COL25A1: variants seen among roughly 807,000 people sequenced by gnomAD.
COL25A1 encodes collagen type XXV alpha 1 chain, also known as collagen alpha-1(XXV) chain.
In COL25A1, 103 loss-of-function variants were observed where a neutral mutation model predicts 128.4. The ratio of observed to expected loss-of-function variants is 0.80; its 90% CI spans 0.68 to 0.94. The LOEUF (loss-of-function observed/expected upper bound fraction) is 0.94, where lower values mean the gene tolerates loss of function less well. Ranked by LOEUF, COL25A1 falls within the 40% of genes least tolerant of loss-of-function variation. COL25A1 has a pLI of 0.00. For synonymous variants in COL25A1, 279 were observed against 277.2 expected (o/e 1.01, Z -0.06); for missense variants, 745 against 840.0 (o/e 0.89, Z 1.40).
intron 3 of COL25A1, among the ~76,000 whole-genome samples, chr4:109,085,323 C>T (rs1764253297): frequency 6.6e-6 from 1 of 152,188 alleles, no homozygotes; most frequent in Non-Finnish European, 1.5e-5. Context: ...TGCACGTTCC[C>T]TTCAGATGAA....
At chr4:109,246,841 G>C (rs1578539412) in intron 3 of COL25A1, among the ~76,000 whole-genome samples, 1 of 152,134 alleles carries the variant, frequency 6.6e-6, no homozygotes, top group Admixed American at 6.6e-5. Flanking sequence ...AACCAAACAT[G>C]AGTCCTATCT....
At chr4:109,144,191 C>T in intron 3 of COL25A1, among the ~76,000 whole-genome samples, 1 of 152,172 alleles carries the variant, frequency 6.6e-6, no homozygotes, top group East Asian at 1.9e-4. Context: ...GAGGTCCATT[C>T]CCAACCCTGT....
chr4:109,046,480 A>G (rs538661143), intron 5 of COL25A1, among the ~76,000 whole-genome samples: 2 of 152,338 alleles, frequency 1.3e-5, no homozygotes, highest in South Asian at 4.1e-4. Flanking sequence ...CAAAAAAAGA[A>G]GCCTTGAACA....
At chr4:108,819,882 T>A in intron 35 of COL25A1, 1 of 1,230,650 alleles carries the variant, frequency 8.1e-7, no homozygotes, top group Non-Finnish European at 1.0e-6. Context: ...CTTTTTGCCT[T>A]TCTTTCCCTT....
In COL25A1 at chr4:109,241,846, C is replaced by T. The variant is rs538985140; in HGVS notation, c.367+58737G>A. 1.3e-3 allele frequency among the ~76,000 whole-genome samples: 195 copies of T among 152,178 alleles called. 1 individual carries two copies. The highest frequency in any genetic ancestry group is 4.4e-3 in the African/African-American group (182 of 41,554). ...CCCAATCTCACTCCCAGACAACTAC[C>T]TCCATGACTTTAATTCATTTGTACA... On this transcript the variant is annotated intron_variant, in intron 3 of 37. Coordinates refer to ENST00000399132, the MANE Select transcript of COL25A1 (RefSeq NM_198721.4).
At chr4:109,011,727 C>T (rs1631833) in intron 5 of COL25A1, among the ~76,000 whole-genome samples, 77,686 of 152,076 alleles carry the variant, frequency 0.51, 22,593 homozygotes, top group African/African-American at 0.78. Flanking sequence ...TACCAGGTCA[C>T]TCTGCCTTTC....
chr4:109,059,988 T>G (rs1484625443), intron 3 of COL25A1, among the ~76,000 whole-genome samples: 6 of 152,212 alleles, frequency 3.9e-5, no homozygotes. Context: ...GGACCTATGT[T>G]TGAACCTGTC....
chr4:108,976,557 T>C (rs1160923467), intron 6 of COL25A1, among the ~76,000 whole-genome samples: 3 of 152,050 alleles, frequency 2.0e-5, no homozygotes, highest in Non-Finnish European at 4.4e-5. Flanking sequence ...TCAGCCCACC[T>C]GAGGAGCTGG....
Position 109,301,791 on chromosome 4 carries a change from G to C in COL25A1, c.229C>G (p.Leu77Val). Residue 77 changes from leucine (L) to valine (V), a missense_variant, in exon 2 of 38, where the codon CTG (leucine) becomes GTG (valine). Coordinates refer to ENST00000399132, the MANE Select transcript of COL25A1 (RefSeq NM_198721.4). ...AGGTGATCCAGGGTATCAGGCAGCA[G>C]ATGAATGGAAGGGGCCCCTTTGGCG... Reference protein sequence around the residue: ...ESAKGAPSIHLLPDTLDHLKT... With the variant: ...ESAKGAPSIHVLPDTLDHLKT... The C allele has an allele frequency of 5.0e-6, 8 of 1,614,276 alleles. No homozygotes were observed. Among genetic ancestry groups the C allele is most frequent in the Non-Finnish European group, 6.8e-6 (8 of 1,180,048 alleles).
rs188079257 is a variant in COL25A1, at chr4:108,837,416, A to T, written c.1656+4279T>A. Among the ~76,000 whole-genome samples the T allele has an allele frequency of 1.2e-3, 186 of 152,250 alleles. 2 individuals carry two copies. The East Asian group carries it at 0.029, about 23-fold the overall frequency. On this transcript the variant is annotated intron_variant, in intron 31 of 37. Transcript: ENST00000399132. ...AAAGCCTCGTATTTAATAACAATTTAAAAAAATCTCCATTTAGTTGTTGTG... is the reference window on the plus strand; with the variant it reads ...AAAGCCTCGTATTTAATAACAATTTTAAAAAATCTCCATTTAGTTGTTGTG...
At chr4:109,202,013 G>C (rs934367942) in intron 3 of COL25A1, among the ~76,000 whole-genome samples, 2 of 152,106 alleles carry the variant, frequency 1.3e-5, no homozygotes, top group Admixed American at 6.5e-5. Context: ...CTCCTGAACA[G>C]AAAACTCAAT....
intron 31 of COL25A1, chr4:108,834,322 A>C: frequency 9.7e-6 from 15 of 1,549,474 alleles, no homozygotes; most frequent in Non-Finnish European, 1.2e-5. Context: ...ACAGCCACAA[A>C]ACATGTCAGA....
chr4:109,115,706 C>G lies in COL25A1; in HGVS notation c.368-65527G>C, dbSNP rs573998214. On this transcript the variant is annotated intron_variant, in intron 3 of 37. Coordinates refer to ENST00000399132, the MANE Select transcript of COL25A1 (RefSeq NM_198721.4). ...AAGAAGTGTAACTTTTCTAATACCC[C>G]CTTCTCCAGAGGCCAGTGTACAGAC... 2.6e-5 allele frequency among the ~76,000 whole-genome samples: 4 copies of G among 152,018 alleles called. No homozygotes were observed. The South Asian group carries it at 8.3e-4, about 32-fold the overall frequency.
In COL25A1 at chr4:109,174,746, CA is replaced by C. The variant is rs1471551061; in HGVS notation, c.368-124568del. ...GGTAAAAGGAAGGCAATTAAAACAG[CA>C]ACTTTATTGACTATTGAATGCAAAA... On this transcript the variant is annotated intron_variant, in intron 3 of 37. Transcript: ENST00000399132. Among the ~76,000 whole-genome samples the C allele has an allele frequency of 3.3e-5, 5 of 152,328 alleles. No individual in the cohort carries two copies. In the East Asian group the frequency reaches 9.6e-4, roughly 29 times the overall value.
chr4:108,908,826 A>G (rs1743854417), intron 13 of COL25A1, among the ~76,000 whole-genome samples: 1 of 152,160 alleles, frequency 6.6e-6, no homozygotes, highest in Admixed American at 6.5e-5. Flanking sequence ...AATTGGAAGT[A>G]CTGATTGGTT....
At chr4:108,947,109 G>A (rs1748852936) in intron 8 of COL25A1, among the ~76,000 whole-genome samples, 1 of 152,110 alleles carries the variant, frequency 6.6e-6, no homozygotes, top group African/African-American at 2.4e-5. Flanking sequence ...AGATGTCTGT[G>A]GACAGCCAAG....
chr4:109,083,163 A>C (rs1764004553), intron 3 of COL25A1, among the ~76,000 whole-genome samples: 1 of 152,188 alleles, frequency 6.6e-6, no homozygotes, highest in Non-Finnish European at 1.5e-5. Context: ...AACAAATCTA[A>C]GTATTTGCCT....
intron 6 of COL25A1, among the ~76,000 whole-genome samples, chr4:108,993,860 CA>C (rs34070808): frequency 3.0e-5 from 4 of 132,792 alleles, no homozygotes; most frequent in South Asian, 2.4e-4. Context: ...AACTCCATCT[CA>C]AAAAAAAAAA....
chr4:108,953,693 T>C (rs1418542017), intron 8 of COL25A1, among the ~76,000 whole-genome samples: 1 of 151,352 alleles, frequency 6.6e-6, no homozygotes, highest in Non-Finnish European at 1.5e-5. Context: ...AAACAAGAAA[T>C]GAAAGTCTTT....
Sources: gnomAD v4.1 joint callset for allele counts (sites outside exome capture counted in the v4.1 genomes callset) on GRCh38, gnomAD v4.1.1 for gene constraint, MANE v1.5 for transcripts, NCBI Gene and HGNC (gene_info 2026-07-23, HGNC 2026-07-21) for gene names.